RAP1GAP2: variants seen among roughly 807,000 people sequenced by gnomAD.
RAP1GAP2 encodes the protein RAP1 GTPase activating protein 2, also known as rap1 GTPase-activating protein 2.
RAP1GAP2 carries 27 observed loss-of-function variants against 95.0 expected under a neutral mutation model. The observed-to-expected ratio is 0.28, with a 90% CI of 0.21 to 0.39. The LOEUF is 0.39. Ranked by LOEUF, RAP1GAP2 falls within the 10% of genes least tolerant of loss-of-function variation. The pLI is 1.00. For missense variants in RAP1GAP2, 771 were observed against 970.0 expected (o/e 0.79, Z 2.72); for synonymous variants, 373 against 380.9 (o/e 0.98, Z 0.24).
chr17:2,847,890 C>A (rs1353820107), intron 2 of RAP1GAP2, among the ~76,000 whole-genome samples: 3 of 152,168 alleles, frequency 2.0e-5, no homozygotes, highest in Non-Finnish European at 4.4e-5. Context: ...AGAAATTTCA[C>A]ACACAGAAGG....
At chr17:2,942,216 G>A (rs1362688919) in intron 3 of RAP1GAP2, among the ~76,000 whole-genome samples, 2 of 152,142 alleles carry the variant, frequency 1.3e-5, no homozygotes, top group Non-Finnish European at 2.9e-5. Flanking sequence ...CCGAGTACGT[G>A]TGAGGCGTAT....
chr17:2,794,870 CTTTTTTTTT>C (rs148825285), upstream of RAP1GAP2, among the ~76,000 whole-genome samples: 23 of 57,936 alleles, frequency 4.0e-4, no homozygotes, highest in East Asian at 1.4e-3. Context: ...CGTTTTTTTC[CTTTTTTTTT>C]TTTTTTTTTT....
chr17:2,766,076 G>T (rs2068270447), intron 1 of RAP1GAP2, among the ~76,000 whole-genome samples: 1 of 152,214 alleles, frequency 6.6e-6, no homozygotes, highest in Admixed American at 6.5e-5. Context: ...GAGGAGAGTG[G>T]AAAGAGGCCG....
intron 14 of RAP1GAP2, among the ~76,000 whole-genome samples, chr17:3,002,176 C>T (rs115446642): frequency 0.018 from 2,774 of 152,178 alleles, 65 homozygotes; most frequent in African/African-American, 0.053. Context: ...TTGGCCAGAC[C>T]GGCCTTGAAC....
chr17:2,853,454 C>A (rs2151599498), intron 2 of RAP1GAP2, among the ~76,000 whole-genome samples: 1 of 151,632 alleles, frequency 6.6e-6, no homozygotes, highest in South Asian at 2.1e-4. Context: ...GCCGCCTCTG[C>A]CTGGGGAGGG....
At chr17:2,841,529 A>G (rs989105564) in intron 2 of RAP1GAP2, among the ~76,000 whole-genome samples, 3 of 151,934 alleles carry the variant, frequency 2.0e-5, no homozygotes, top group East Asian at 1.9e-4. Flanking sequence ...GATGGTCTCA[A>G]TCTCCTGACC....
chr17:2,892,338 T>C (rs1416330190), intron 2 of RAP1GAP2, among the ~76,000 whole-genome samples: 2 of 152,164 alleles, frequency 1.3e-5, no homozygotes, highest in Non-Finnish European at 1.5e-5. Flanking sequence ...CTTTCTGTTA[T>C]GGTGAGACAA....
chr17:2,773,212 CAG>C (rs2068432239), upstream of RAP1GAP2, among the ~76,000 whole-genome samples: 1 of 152,102 alleles, frequency 6.6e-6, no homozygotes, highest in Non-Finnish European at 1.5e-5. Flanking sequence ...AGTCAAGTTC[CAG>C]AGTCAGCAGT....
chr17:2,912,600 G>A (rs1186020079), intron 3 of RAP1GAP2, among the ~76,000 whole-genome samples: 1 of 152,100 alleles, frequency 6.6e-6, no homozygotes. Context: ...TGTAGGGACA[G>A]GAGAGGACAG....
intron 2 of RAP1GAP2, among the ~76,000 whole-genome samples, chr17:2,824,836 G>A (rs904158410): frequency 6.6e-6 from 1 of 151,998 alleles, no homozygotes; most frequent in African/African-American, 2.4e-5. Flanking sequence ...AGGAGGAGGC[G>A]GCGGCTGGAG....
intron 2 of RAP1GAP2, among the ~76,000 whole-genome samples, chr17:2,842,100 C>T (rs919810116): frequency 2.6e-5 from 4 of 152,148 alleles, no homozygotes; most frequent in African/African-American, 4.8e-5. Context: ...GTATTGGGGT[C>T]CTTGTCATTC....
At chr17:2,934,058 C>T (rs1597652352) in intron 3 of RAP1GAP2, among the ~76,000 whole-genome samples, 1 of 152,260 alleles carries the variant, frequency 6.6e-6, no homozygotes, top group Non-Finnish European at 1.5e-5. Flanking sequence ...GTCACAGCCA[C>T]GGATGGCGTC....
Position 3,027,497 on chromosome 17 carries a change from C to G in RAP1GAP2, c.2107+427C>G, listed in dbSNP as rs958237272. On this transcript the variant is annotated intron_variant, in intron 22 of 24. Coordinates refer to ENST00000254695, the MANE Select transcript of RAP1GAP2 (RefSeq NM_015085.5). This position sits in a 1 kb window ranked among gnomAD's most constrained non-coding sequence, Gnocchi z 5.2. ...GGGGAAGGGCTGCAGGGGGAGGGAA[C>G]AGCATGTGGAAAGGCCCAGAGGAGA... is the stretch of plus-strand genomic sequence containing the variant. Among the ~76,000 whole-genome samples the G allele has an allele frequency of 6.6e-6, 1 of 152,040 alleles. No individual in the cohort carries two copies. Among genetic ancestry groups the G allele is most frequent in the Non-Finnish European group, 1.5e-5 (1 of 68,020 alleles).
chr17:2,948,636 G>C (rs956063249), intron 3 of RAP1GAP2, among the ~76,000 whole-genome samples: 3 of 149,744 alleles, frequency 2.0e-5, no homozygotes, highest in Non-Finnish European at 4.5e-5. Context: ...CCGTGTCCAT[G>C]TGTAGAGCTG....
At position 2,796,698 on chromosome 17, in the gene RAP1GAP2, C is replaced by T; in HGVS notation, c.44+127C>T. 2 of 1,091,598 alleles carry T rather than the reference C, an allele frequency of 1.8e-6. No homozygotes were observed. Among genetic ancestry groups the T allele is most frequent in the South Asian group, 2.7e-5 (2 of 72,844 alleles). 67.6% of individuals were successfully genotyped at this position (1,091,598 alleles called of 1,614,324 possible). A position where few individuals can be genotyped will look rare whatever the true frequency, so the allele number is the denominator to read the frequency against. ...TGCCTGAGAGCTGGGTCTGCTGACG[C>T]CCTGGCAGGTCGAGATGCAGGATCC... On this transcript the variant is annotated intron_variant, in intron 1 of 24. Transcript: ENST00000254695. The surrounding 1 kb of genome is among the most constrained non-coding windows in gnomAD (Gnocchi z 4.7).
chr17:2,847,040 G>T (rs1281964568), intron 2 of RAP1GAP2, among the ~76,000 whole-genome samples: 2 of 152,102 alleles, frequency 1.3e-5, no homozygotes, highest in Non-Finnish European at 2.9e-5. Context: ...ACGGAGTCTT[G>T]CTCTGTCGCC....
At chr17:2,803,555 A>C (rs975496689) in intron 2 of RAP1GAP2, among the ~76,000 whole-genome samples, 1 of 152,220 alleles carries the variant, frequency 6.6e-6, no homozygotes, top group Admixed American at 6.5e-5. Flanking sequence ...AAAGGAGAAC[A>C]AAGTTGGTGC....
intron 2 of RAP1GAP2, among the ~76,000 whole-genome samples, chr17:2,818,061 C>T (rs570628447): frequency 1.3e-5 from 2 of 152,038 alleles, no homozygotes; most frequent in South Asian, 4.2e-4. Flanking sequence ...TGGTCTCAAT[C>T]TCCTGACCTC....
intron 1 of RAP1GAP2, among the ~76,000 whole-genome samples, chr17:2,779,290 G>A (rs1597290137): frequency 6.6e-6 from 1 of 152,192 alleles, no homozygotes; most frequent in Non-Finnish European, 1.5e-5. Flanking sequence ...GGCATTTATT[G>A]AATTTTTGAA....
Sources: gnomAD v4.1 joint callset for allele counts (sites outside exome capture counted in the v4.1 genomes callset) on GRCh38, gnomAD v4.1.1 for gene constraint, Gnocchi (gnomAD v3.1) non-coding constraint, MANE v1.5 for transcripts, NCBI Gene and HGNC (gene_info 2026-07-23, HGNC 2026-07-21) for gene names.